Variants in ARFGEF3 observed in about 807,000 individuals in gnomAD.
The protein encoded by ARFGEF3 is brefeldin A-inhibited guanine nucleotide-exchange protein 3.
In ARFGEF3, 96 loss-of-function variants were observed where a neutral mutation model predicts 221.7. The ratio of observed to expected loss-of-function variants is 0.43; its 90% CI spans 0.37 to 0.51. The LOEUF is 0.51. ARFGEF3 is among the 20% of genes least tolerant of loss of function. The probability of loss-of-function intolerance (pLI) is 0.00; values close to 1 mark genes in which losing one functional copy is unlikely to be tolerated. For synonymous variants in ARFGEF3, 1,145 were observed against 1,126.8 expected (o/e 1.02, Z -0.32); for missense variants, 2,410 against 2,789.9 (o/e 0.86, Z 3.07).
chr6:138,210,418 T>C (rs941715378), intron 4 of ARFGEF3, among the ~76,000 whole-genome samples: 2 of 152,194 alleles, frequency 1.3e-5, no homozygotes, highest in African/African-American at 4.8e-5. Flanking sequence ...TATACTGAGA[T>C]TTCAGAATGG....
At chr6:138,199,813 A>G (rs2114482015) in intron 2 of ARFGEF3, among the ~76,000 whole-genome samples, 1 of 152,318 alleles carries the variant, frequency 6.6e-6, no homozygotes, top group South Asian at 2.1e-4. Flanking sequence ...CGATCATACC[A>G]TCAGCAAACA....
At chr6:138,256,297 A>G (rs6901365) in intron 10 of ARFGEF3, among the ~76,000 whole-genome samples, 14,099 of 152,152 alleles carry the variant, frequency 0.093, 916 homozygotes, top group East Asian at 0.36. Flanking sequence ...CCAGTGTGCT[A>G]CTTCATGGTT....
intron 10 of ARFGEF3, among the ~76,000 whole-genome samples, chr6:138,260,380 C>T (rs553414389): frequency 2.0e-5 from 3 of 152,302 alleles, no homozygotes; most frequent in East Asian, 3.9e-4. Context: ...TACGCTAGGA[C>T]GTCTACTGCA....
At chr6:138,294,891 G>A (rs1435589777) in intron 20 of ARFGEF3, among the ~76,000 whole-genome samples, 1 of 152,164 alleles carries the variant, frequency 6.6e-6, no homozygotes, top group East Asian at 1.9e-4. Context: ...TAACCTCTGA[G>A]GTCCCTTCTA....
At chr6:138,328,405 G>A (rs1780163927) in intron 32 of ARFGEF3, among the ~76,000 whole-genome samples, 1 of 152,158 alleles carries the variant, frequency 6.6e-6, no homozygotes, top group South Asian at 2.1e-4. Flanking sequence ...CATTTCTGGT[G>A]CCTAGAAGTC....
intron 32 of ARFGEF3, among the ~76,000 whole-genome samples, chr6:138,332,400 C>G (rs1041928251): frequency 3.3e-5 from 5 of 151,918 alleles, no homozygotes; most frequent in Admixed American, 2.0e-4. Flanking sequence ...TTACTGGGGA[C>G]AAGAAGATGA....
chr6:138,170,512 A>G (rs930741838), intron 1 of ARFGEF3, 150 bp from the exon 2 acceptor site: 2 of 573,774 alleles, frequency 3.5e-6, no homozygotes, highest in African/African-American at 3.8e-5. Context: ...GGATTTTAAA[A>G]TATGAAGGAC....
chr6:138,269,046 C>A (rs1238354829), intron 12 of ARFGEF3, among the ~76,000 whole-genome samples: 1 of 152,216 alleles, frequency 6.6e-6, no homozygotes, highest in African/African-American at 2.4e-5. Context: ...TAAGGGGAGG[C>A]CCCCTCACCT....
intron 12 of ARFGEF3, among the ~76,000 whole-genome samples, chr6:138,270,427 G>GACACACACACACACACACACACACACAC (rs3044804): frequency 7.2e-5 from 10 of 139,512 alleles, no homozygotes; most frequent in Admixed American, 1.4e-4. Context: ...ATTTTACGTA[G>GACACACACACACACACACACACACACAC]ACACACACAC....
chr6:138,217,745 G>A, intron 4 of ARFGEF3: 1 of 499,824 alleles, frequency 2.0e-6, no homozygotes, highest in Non-Finnish European at 3.2e-6. Flanking sequence ...TGGCCCACTA[G>A]GATAAATAAC....
intron 28 of ARFGEF3, among the ~76,000 whole-genome samples, chr6:138,320,471 C>T (rs1486846260): frequency 6.6e-6 from 1 of 152,168 alleles, no homozygotes; most frequent in Non-Finnish European, 1.5e-5. Context: ...ACTGTGGTCC[C>T]AGTGGAGCCA....
At chr6:138,330,120 G>T (rs1253146573) in intron 32 of ARFGEF3, among the ~76,000 whole-genome samples, 1 of 152,092 alleles carries the variant, frequency 6.6e-6, no homozygotes, top group African/African-American at 2.4e-5. Flanking sequence ...CTTCTTTTGT[G>T]GTGGAATGTC....
At position 138,341,227 on chromosome 6, in the gene ARFGEF3, T is replaced by A. The variant is rs1218940005; in HGVS notation, c.*4741T>A. 2 of 154,424 alleles carry A rather than the reference T, an allele frequency of 1.3e-5. No individual in the cohort carries two copies. The highest frequency in any genetic ancestry group is 4.8e-5 in the African/African-American group (2 of 41,522). 9.6% of individuals were successfully genotyped at this position (154,424 alleles called of 1,614,324 possible). On this transcript the variant is annotated 3_prime_UTR_variant, in exon 34 of 34. Transcript: ENST00000251691. The stretch of plus-strand genomic sequence containing the variant: ...CCTCTTTACTTGCTTCTCTGGGAAA[T>A]ACATGGTACTAAATTAGTAGCACAA...
At chr6:138,329,014 G>C (rs1453396568) in intron 32 of ARFGEF3, among the ~76,000 whole-genome samples, 1 of 151,682 alleles carries the variant, frequency 6.6e-6, no homozygotes, top group Non-Finnish European at 1.5e-5. Context: ...AAAATAAAAA[G>C]TAAATTGAGG....
chr6:138,266,710 G>A (rs974348140), intron 12 of ARFGEF3, among the ~76,000 whole-genome samples: 8 of 151,940 alleles, frequency 5.3e-5, no homozygotes, highest in Admixed American at 1.3e-4. Flanking sequence ...TTAGCTGGGC[G>A]TGGTGGCAGG....
At chr6:138,193,399 T>C (rs188331515) in intron 2 of ARFGEF3, among the ~76,000 whole-genome samples, 14 of 152,372 alleles carry the variant, frequency 9.2e-5, no homozygotes, top group African/African-American at 3.4e-4. Flanking sequence ...ACCTTGTACC[T>C]ATGTTTCCAT....
chr6:138,292,030 C>T lies in ARFGEF3; in HGVS notation c.3345C>T (p.Leu1115=), dbSNP rs766181252. The T allele has an allele frequency of 6.8e-7, 1 of 1,474,450 alleles. No homozygotes were observed. The highest frequency in any genetic ancestry group is 9.0e-7 in the Non-Finnish European group (1 of 1,116,454). 91.3% of individuals were successfully genotyped at this position (1,474,450 alleles called of 1,614,324 possible). ...GGAGCAGCGCGGCCAAGGTGGTGCT[C>T]ACCCTCTCCACGCAAGCCGACAGGT... ...MSGSSAAKVV[L]TLSTQADRLF... The change falls in exon 19 of 34, where the codon CTC becomes CTT. Residue 1115 remains leucine (L), a synonymous_variant. Coordinates refer to ENST00000251691, the MANE Select transcript of ARFGEF3 (RefSeq NM_020340.5).
At chr6:138,192,204 C>T (rs1035692450) in intron 2 of ARFGEF3, among the ~76,000 whole-genome samples, 2 of 152,034 alleles carry the variant, frequency 1.3e-5, no homozygotes, top group Admixed American at 6.6e-5. Context: ...AATCAGCTGT[C>T]GGGGCCAGGC....
chr6:138,305,662 T>C (rs955571276), intron 22 of ARFGEF3, among the ~76,000 whole-genome samples: 1 of 146,004 alleles, frequency 6.8e-6, no homozygotes, highest in African/African-American at 2.5e-5. Flanking sequence ...ATAAAGAAGA[T>C]TAAACATTGT....
Sources: gnomAD v4.1 joint callset for allele counts (sites outside exome capture counted in the v4.1 genomes callset) on GRCh38, gnomAD v4.1.1 for gene constraint, MANE v1.5 for transcripts, NCBI Gene and HGNC (gene_info 2026-07-23, HGNC 2026-07-21) for gene names.